GRM8: variants seen among roughly 807,000 people sequenced by gnomAD.
GRM8 encodes the protein glutamate metabotropic receptor 8.
A neutral mutation model predicts 87.2 loss-of-function variants in GRM8; 47 were observed. That is an observed-to-expected ratio of 0.54 (90% CI 0.43 to 0.69). GRM8 has a LOEUF of 0.69. GRM8 is among the 30% of genes least tolerant of loss of function. The probability of loss-of-function intolerance (pLI) is 0.00; values close to 1 mark genes in which losing one functional copy is unlikely to be tolerated. For missense variants in GRM8, 1,019 were observed against 1,139.2 expected (o/e 0.89, Z 1.52); for synonymous variants, 396 against 404.5 (o/e 0.98, Z 0.25).
intron 2 of GRM8, among the ~76,000 whole-genome samples, chr7:127,211,204 A>T (rs1587284858): frequency 6.6e-6 from 1 of 152,122 alleles, no homozygotes; most frequent in Non-Finnish European, 1.5e-5. Context: ...GAGTCCCAAA[A>T]CCTCAAAAGT....
At chr7:126,450,596 CT>C (rs1390210637) in intron 9 of GRM8, among the ~76,000 whole-genome samples, 2 of 151,468 alleles carry the variant, frequency 1.3e-5, no homozygotes, top group African/African-American at 4.8e-5. Context: ...AGCCAATGGA[CT>C]TCAAAATACC....
At chr7:126,981,242 G>A (rs1352276007) in intron 3 of GRM8, 5 of 152,396 alleles carry the variant, frequency 3.3e-5, no homozygotes, top group East Asian at 1.9e-4. Flanking sequence ...TAAAATTGCA[G>A]CTGTGTTTGG....
intron 6 of GRM8, among the ~76,000 whole-genome samples, chr7:126,833,708 G>A (rs1315600875): frequency 6.6e-6 from 1 of 152,118 alleles, no homozygotes; most frequent in Non-Finnish European, 1.5e-5. Flanking sequence ...GACCTTGCCT[G>A]CTAATCCTAT....
intron 7 of GRM8, among the ~76,000 whole-genome samples, chr7:126,757,693 C>T (rs906587243): frequency 2.0e-5 from 3 of 152,170 alleles, no homozygotes; most frequent in South Asian, 4.2e-4. Flanking sequence ...GATTGAGTTG[C>T]GTGTGATCAA....
chr7:126,694,949 A>G (rs1940454409), intron 7 of GRM8, among the ~76,000 whole-genome samples: 1 of 152,122 alleles, frequency 6.6e-6, no homozygotes, highest in Admixed American at 6.5e-5. Flanking sequence ...GAATGGAGAA[A>G]CAGAATGTAA....
At chr7:127,183,733 T>A (rs113591585) in intron 2 of GRM8, among the ~76,000 whole-genome samples, 5 of 151,672 alleles carry the variant, frequency 3.3e-5, no homozygotes, top group African/African-American at 1.2e-4. Flanking sequence ...CAAAAATCAA[T>A]GAAATCAAAA....
chr7:127,218,179 A>C (rs1057159843), intron 2 of GRM8, among the ~76,000 whole-genome samples: 2 of 152,236 alleles, frequency 1.3e-5, no homozygotes, highest in Non-Finnish European at 2.9e-5. Context: ...CCAAAACACT[A>C]ACAGTGGCCA....
chr7:126,884,353 A>G (rs1258605830), intron 6 of GRM8, among the ~76,000 whole-genome samples: 1 of 152,146 alleles, frequency 6.6e-6, no homozygotes, highest in Admixed American at 6.6e-5. Flanking sequence ...TCAAAGATAG[A>G]AATGTTTATA....
rs1586982680 is a variant in GRM8 at position 127,094,031 on chromosome 7, G to A, written c.727+12465C>T. On this transcript the variant is annotated intron_variant, in intron 3 of 10. Transcript: ENST00000339582. ...ATTTGTTGCTTAGTTGATACATGAT[G>A]AAGTAAACTGAGAAAATACACTCCT... is the stretch of plus-strand genomic sequence containing the variant. 1.3e-5 allele frequency among the ~76,000 whole-genome samples: 2 copies of A among 152,352 alleles called. 1 individual carries two copies. Among genetic ancestry groups the A allele is most frequent in the South Asian group, 4.1e-4 (2 of 4,832 alleles).
chr7:126,876,764 T>G (rs927264017), intron 6 of GRM8, among the ~76,000 whole-genome samples: 3 of 152,210 alleles, frequency 2.0e-5, no homozygotes, highest in Non-Finnish European at 4.4e-5. Flanking sequence ...CTCAGAGTAC[T>G]TATTCGTAGA....
intron 8 of GRM8, among the ~76,000 whole-genome samples, chr7:126,540,505 A>T (rs1816409854): frequency 6.6e-6 from 1 of 152,188 alleles, no homozygotes. Context: ...TCATAACAGG[A>T]TTATTCATAA....
chr7:126,721,516 T>A (rs1416740729), intron 7 of GRM8, among the ~76,000 whole-genome samples: 1 of 152,188 alleles, frequency 6.6e-6, no homozygotes, highest in Non-Finnish European at 1.5e-5. Context: ...ATTGTGAAAT[T>A]TCTTTGAAAT....
chr7:126,619,788 T>C (rs1799918533), intron 7 of GRM8, among the ~76,000 whole-genome samples: 1 of 152,056 alleles, frequency 6.6e-6, no homozygotes, highest in South Asian at 2.1e-4. Flanking sequence ...CCTCCTAGGA[T>C]CGAGGGATCC....
chr7:126,757,957 A>G (rs1817197568), intron 7 of GRM8, among the ~76,000 whole-genome samples: 1 of 152,174 alleles, frequency 6.6e-6, no homozygotes, highest in Non-Finnish European at 1.5e-5. Flanking sequence ...AGGGTTCAGG[A>G]GGTGACTGCA....
At position 126,452,194 on chromosome 7, in the gene GRM8, A is replaced by T. The variant is rs534668956; in HGVS notation, c.2431-5822T>A. 5.3e-5 allele frequency among the ~76,000 whole-genome samples: 8 copies of T among 150,268 alleles called. No individual in the cohort carries two copies. The South Asian group carries it at 1.7e-3, about 32-fold the overall frequency. On this transcript the variant is annotated intron_variant, in intron 9 of 10. Coordinates refer to ENST00000339582, the MANE Select transcript of GRM8 (RefSeq NM_000845.3). ...CAAACTATCACAAGGACAAAAAACC[A>T]AACATGGTATGTTCTCACTCATAGG... is the stretch of plus-strand genomic sequence containing the variant.
At chr7:127,192,123 T>C (rs886188485) in intron 2 of GRM8, among the ~76,000 whole-genome samples, 1 of 152,188 alleles carries the variant, frequency 6.6e-6, no homozygotes, top group Non-Finnish European at 1.5e-5. Flanking sequence ...CATGAAGAGA[T>C]CTACACAATA....
At chr7:126,822,979 G>T (rs1794442023) in intron 6 of GRM8, among the ~76,000 whole-genome samples, 1 of 152,166 alleles carries the variant, frequency 6.6e-6, no homozygotes, top group African/African-American at 2.4e-5. Context: ...AAATGGAACA[G>T]ATCCCCCAAC....
In GRM8 at chr7:127,156,239, TCTTACCA is replaced by T. The variant is rs1792721963; in HGVS notation, c.511-49534_511-49528del. On this transcript the variant is annotated intron_variant, in intron 2 of 10. Transcript: ENST00000339582. ...TTGCTCTGTACAACTTCACTTGCCC[TCTTACCA>T]CTGGGGTGGAAGAATAGCAGCACCA... Among the ~76,000 whole-genome samples the T allele has an allele frequency of 2.6e-5, 4 of 152,118 alleles. No individual in the cohort carries two copies. In the South Asian group the frequency reaches 8.3e-4, roughly 32 times the overall value.
chr7:126,860,619 A>T (rs1487946293), intron 6 of GRM8, among the ~76,000 whole-genome samples: 1 of 152,138 alleles, frequency 6.6e-6, no homozygotes, highest in East Asian at 1.9e-4. Context: ...AAATCTCATT[A>T]AAAATGTGCT....
Sources: gnomAD v4.1 joint callset for allele counts (sites outside exome capture counted in the v4.1 genomes callset) on GRCh38, gnomAD v4.1.1 for gene constraint, MANE v1.5 for transcripts, NCBI Gene and HGNC (gene_info 2026-07-23, HGNC 2026-07-21) for gene names.